Variants in BCAS4 observed in about 807,000 individuals in gnomAD.
BCAS4 encodes the protein breast carcinoma amplified sequence 4.
In BCAS4, 9 loss-of-function variants were observed where a neutral mutation model predicts 15.7. The observed-to-expected ratio is 0.57, with a 90% confidence interval of 0.34 to 1.00. BCAS4 has a LOEUF of 1.00. Among genes scored for constraint, BCAS4 ranks in the 50% least tolerant of loss-of-function variants. The pLI, the probability that BCAS4 is intolerant of heterozygous loss-of-function variation, is 0.02. For synonymous variants in BCAS4, 101 were observed against 99.5 expected (o/e 1.02, Z -0.09); for missense variants, 225 against 239.1 (o/e 0.94, Z 0.39).
At chr20:50,874,777 C>T (rs1421538618) in intron 4 of BCAS4, among the ~76,000 whole-genome samples, 1 of 152,134 alleles carries the variant, frequency 6.6e-6, no homozygotes. Flanking sequence ...TGGGGAGGGG[C>T]CTGCAGAGGT....
chr20:50,846,557 G>A, intron 4 of BCAS4: 1 of 147,698 alleles, frequency 6.8e-6, no homozygotes, highest in East Asian at 2.0e-4. Context: ...CAAACTCCTT[G>A]TCATGGCCTG....
At chr20:50,810,798 G>T (rs1260827782) in intron 1 of BCAS4, among the ~76,000 whole-genome samples, 4 of 152,022 alleles carry the variant, frequency 2.6e-5, no homozygotes, top group African/African-American at 9.7e-5. Context: ...CACCATGTTG[G>T]CCAGGATGGT....
chr20:50,832,093 CTG>C (rs1332290337), intron 3 of BCAS4, among the ~76,000 whole-genome samples: 1 of 152,168 alleles, frequency 6.6e-6, no homozygotes, highest in African/African-American at 2.4e-5. Context: ...CTGATGTTGA[CTG>C]AGGGCCAGGA....
intron 4 of BCAS4, among the ~76,000 whole-genome samples, chr20:50,863,838 TG>T (rs1177858428): frequency 6.6e-6 from 1 of 152,210 alleles, no homozygotes; most frequent in African/African-American, 2.4e-5. Context: ...GCGAGGCCAC[TG>T]GGCACAGCTG....
intron 1 of BCAS4, among the ~76,000 whole-genome samples, chr20:50,817,755 A>G (rs2088158355): frequency 6.6e-6 from 1 of 151,982 alleles, no homozygotes; most frequent in South Asian, 2.1e-4. Context: ...CACCGTCTGC[A>G]GCTTGCTTTT....
chr20:50,827,426 G>A (rs570898910), intron 2 of BCAS4, among the ~76,000 whole-genome samples: 6 of 152,186 alleles, frequency 3.9e-5, no homozygotes, highest in African/African-American at 1.4e-4. Context: ...TGGTGCCTGC[G>A]GCTTTCTCCA....
chr20:50,826,157 A>G (rs980690678), intron 2 of BCAS4, among the ~76,000 whole-genome samples: 1 of 152,218 alleles, frequency 6.6e-6, no homozygotes, highest in Admixed American at 6.5e-5. Flanking sequence ...GCTCTTTGCT[A>G]CATCAGGGTG....
intron 2 of BCAS4, 89 bp downstream of exon 2, chr20:50,818,371 G>A: frequency 7.5e-7 from 1 of 1,330,944 alleles, no homozygotes; most frequent in Non-Finnish European, 1.0e-6. Context: ...TTTTGGTGGT[G>A]AGTTAGCAAC....
At chr20:50,876,210 C>G in intron 4 of BCAS4, 1 of 416,738 alleles carries the variant, frequency 2.4e-6, no homozygotes, top group South Asian at 2.0e-5. Context: ...CTTGGCCTCC[C>G]AAAGTGCTGG....
chr20:50,811,762 A>G (rs1376871087), intron 1 of BCAS4, among the ~76,000 whole-genome samples: 1 of 152,194 alleles, frequency 6.6e-6, no homozygotes, highest in Non-Finnish European at 1.5e-5. Context: ...AGTTGGGACT[A>G]CAGGCTCATG....
intron 4 of BCAS4, among the ~76,000 whole-genome samples, chr20:50,852,647 G>T (rs1978502696): frequency 1.3e-5 from 2 of 152,318 alleles, no homozygotes; most frequent in South Asian, 4.1e-4. Flanking sequence ...TTCCCAAAGT[G>T]CTGGGATTAC....
Position 50,876,763 on chromosome 20 carries a change from C to G in BCAS4, c.*155C>G, listed in dbSNP as rs749324465. The G allele has an allele frequency of 1.4e-4, 134 of 988,938 alleles. No individual in the cohort carries two copies. Among genetic ancestry groups the G allele is most frequent in the Non-Finnish European group, 1.7e-4 (130 of 754,476 alleles). 61.3% of individuals were successfully genotyped at this position (988,938 alleles called of 1,614,324 possible). A position where few individuals can be genotyped will look rare whatever the true frequency, so the allele number is the denominator to read the frequency against. ...CTCACTATGTTGTCCAGACTGATCTCAAACTCCTGGGCTCAAGTGATCCAC... is the reference window on the plus strand; with the variant it reads ...CTCACTATGTTGTCCAGACTGATCTGAAACTCCTGGGCTCAAGTGATCCAC... On this transcript the variant is annotated 3_prime_UTR_variant, in exon 5 of 5. Transcript: ENST00000371608.
intron 1 of BCAS4, among the ~76,000 whole-genome samples, chr20:50,811,902 C>T (rs1465504045): frequency 6.6e-6 from 1 of 152,186 alleles, no homozygotes; most frequent in Non-Finnish European, 1.5e-5. Context: ...GGATTACAGG[C>T]ATGAGCCACT....
intron 1 of BCAS4, among the ~76,000 whole-genome samples, chr20:50,811,935 G>C (rs891134162): frequency 6.6e-6 from 1 of 152,090 alleles, no homozygotes; most frequent in East Asian, 1.9e-4. Context: ...GACATTTCTT[G>C]TAAGTGGAAT....
In BCAS4 at chr20:50,795,068, C is replaced by T. The variant is rs2087834884; in HGVS notation, c.-16C>T. ...TCCCAGGCAGCCTCCGCCAGCCGGA[C>T]CCCGTCGCCCTCCTGATGCTGCTCG... is the stretch of plus-strand genomic sequence containing the variant. On this transcript the variant is annotated 5_prime_UTR_variant, in exon 1 of 5. Transcript: ENST00000371608. 1.3e-6 allele frequency: 2 copies of T among 1,488,210 alleles called. No individual in the cohort carries two copies. Among genetic ancestry groups the T allele is most frequent in the Middle Eastern group, 2.2e-4 (1 of 4,510 alleles). The allele number at this position is 1,488,210 out of a possible 1,614,324, so 92.2% of individuals were successfully genotyped here.
At chr20:50,857,181 G>C (rs1978808568) in intron 4 of BCAS4, among the ~76,000 whole-genome samples, 1 of 152,128 alleles carries the variant, frequency 6.6e-6, no homozygotes, top group South Asian at 2.1e-4. Context: ...GCCCAGGCCG[G>C]AGTGCAATGG....
intron 2 of BCAS4, among the ~76,000 whole-genome samples, chr20:50,825,637 G>A (rs2088269991): frequency 6.6e-6 from 1 of 152,212 alleles, no homozygotes; most frequent in African/African-American, 2.4e-5. Flanking sequence ...AGCACTTTGG[G>A]AAGCCAAGGT....
intron 4 of BCAS4, among the ~76,000 whole-genome samples, chr20:50,869,713 G>A (rs1979536323): frequency 6.7e-6 from 1 of 149,654 alleles, no homozygotes; most frequent in South Asian, 2.1e-4. Flanking sequence ...GCAAACTATG[G>A]TCTAGGGATC....
At chr20:50,844,221 G>C (rs1356502052) in intron 4 of BCAS4, among the ~76,000 whole-genome samples, 1 of 151,932 alleles carries the variant, frequency 6.6e-6, no homozygotes, top group Non-Finnish European at 1.5e-5. Context: ...GGGCCAAGGT[G>C]GGAGGATTGC....
Sources: allele counts gnomAD v4.1 joint callset (sites outside exome capture counted in the v4.1 genomes callset), GRCh38; gene constraint gnomAD v4.1.1; transcripts MANE v1.5; gene names NCBI Gene and HGNC (gene_info 2026-07-23, HGNC 2026-07-21).